PCDHGA5: variants seen among roughly 807,000 people sequenced by gnomAD.
PCDHGA5 encodes the protein protocadherin gamma subfamily A, 5.
Under a neutral mutation model 56.7 loss-of-function variants are expected in PCDHGA5, and 36 were observed. The ratio of observed to expected loss-of-function variants is 0.64; its 90% CI spans 0.49 to 0.84. The LOEUF (loss-of-function observed/expected upper bound fraction) is 0.84, where lower values mean the gene tolerates loss of function less well. Among genes scored for constraint, PCDHGA5 ranks in the 40% least tolerant of loss-of-function variants. The probability of loss-of-function intolerance (pLI) is 0.00; values close to 1 mark genes in which losing one functional copy is unlikely to be tolerated. For synonymous variants in PCDHGA5, 563 were observed against 520.2 expected (o/e 1.08, Z -1.12); for missense variants, 1,305 against 1,201.5 (o/e 1.09, Z -1.27).
chr5:141,393,156 A>G (rs1028021318), intron 1 of PCDHGA5: 7 of 1,613,310 alleles, frequency 4.3e-6, no homozygotes, highest in African/African-American at 1.3e-5. Context: ...GGATAAAGGA[A>G]AACTCTTTGG....
chr5:141,384,609 T>A (rs967686346), intron 1 of PCDHGA5: 5 of 1,614,148 alleles, frequency 3.1e-6, no homozygotes, highest in African/African-American at 1.3e-5. Flanking sequence ...TCCCCACAGA[T>A]GGTTCTACTG....
chr5:141,433,406 TTA>T (rs2097606059), intron 1 of PCDHGA5, among the ~76,000 whole-genome samples: 1 of 149,982 alleles, frequency 6.7e-6, no homozygotes. Flanking sequence ...TATCTATCTA[TTA>T]CTTTCTTGTA....
At chr5:141,454,567 C>T (rs572130062) in intron 1 of PCDHGA5, among the ~76,000 whole-genome samples, 10 of 150,966 alleles carry the variant, frequency 6.6e-5, no homozygotes, top group South Asian at 2.1e-4. Context: ...CCACCACGCC[C>T]GGCTAATTTT....
rs375166529 is a variant in PCDHGA5, at chr5:141,399,734, C to G, written c.2421+32983C>G. The G allele has an allele frequency of 3.7e-6, 6 of 1,613,220 alleles. No homozygotes were observed. The African/African-American group carries it at 4.0e-5, about 11-fold the overall frequency. ...CTACAGGCCCGCGACCAGGGCTCGC[C>G]TGCGCTCAGCGCAAACGTGAGCCTG... On this transcript the variant is annotated intron_variant, in intron 1 of 3. Transcript: ENST00000518069.
Position 141,512,554 on chromosome 5 carries a change from T to TAG in PCDHGA5, c.*1383_*1384dup, listed in dbSNP as rs2099884300. ...AAGTTCCCCAGTGCCTCCTTGTGCA[T>TAG]AGACCTTCTTCTCCCACCCCCTTCT... is the stretch of plus-strand genomic sequence containing the variant. On this transcript the variant is annotated 3_prime_UTR_variant, in exon 4 of 4. Coordinates refer to ENST00000518069, the MANE Select transcript of PCDHGA5 (RefSeq NM_018918.3). 6.5e-6 allele frequency: 1 copy of TAG among 153,012 alleles called. No homozygotes were observed. Among genetic ancestry groups the TAG allele is most frequent in the Non-Finnish European group, 1.5e-5 (1 of 68,482 alleles). 9.5% of individuals were successfully genotyped at this position (153,012 alleles called of 1,614,324 possible).
At chr5:141,390,045 T>G in intron 1 of PCDHGA5, 1 of 1,614,076 alleles carries the variant, frequency 6.2e-7, no homozygotes, top group Non-Finnish European at 8.5e-7. Context: ...CAGCCCCGCC[T>G]CCTGGAGCTG....
At position 141,423,614 on chromosome 5, in the gene PCDHGA5, A is replaced by C. The variant is rs1365658002; in HGVS notation, c.2421+56863A>C. 8 of 1,610,406 alleles carry C rather than the reference A, an allele frequency of 5.0e-6. No homozygotes were observed. The highest frequency in any genetic ancestry group is 6.8e-6 in the Non-Finnish European group (8 of 1,178,132). ...AAAAGCGAGCCACTCTTGATAGCTG[A>C]AGACTCAGCTATCATTTTAGGCAAA... On this transcript the variant is annotated intron_variant, in intron 1 of 3. Transcript: ENST00000518069.
chr5:141,404,210 A>G (rs927879028), intron 1 of PCDHGA5: 11 of 1,613,840 alleles, frequency 6.8e-6, no homozygotes, highest in Non-Finnish European at 9.3e-6. Context: ...AGAATATAAT[A>G]TCACGGTGAC....
In PCDHGA5 at chr5:141,485,974, A is replaced by G. The variant is rs755735500; in HGVS notation, c.2422-8833A>G. 1.9e-6 allele frequency: 3 copies of G among 1,614,108 alleles called. No homozygotes were observed. The highest frequency in any genetic ancestry group is 1.7e-5 in the Admixed American group (1 of 60,014). On this transcript the variant is annotated intron_variant, in intron 1 of 3. Coordinates refer to ENST00000518069, the MANE Select transcript of PCDHGA5 (RefSeq NM_018918.3). This position sits in a 1 kb window ranked among gnomAD's most constrained non-coding sequence, Gnocchi z 5.7. ...TGGTGCTCATCCAGCTCAATGCCTC[A>G]GACCCGGACCTGGGTCCCAGTGGTA...
Position 141,477,468 on chromosome 5 carries a change from A to G in PCDHGA5, c.2422-17339A>G. ...GTGCGTGTTCAAGTGTCCGACATCA[A>G]TGACAACCCTCCACAATCTTCTCAA... is the stretch of plus-strand genomic sequence containing the variant. On this transcript the variant is annotated intron_variant, in intron 1 of 3. Transcript: ENST00000518069. This position sits in a 1 kb window ranked among gnomAD's most constrained non-coding sequence, Gnocchi z 4.9. 6.2e-7 allele frequency: 1 copy of G among 1,614,158 alleles called. No homozygotes were observed. Among genetic ancestry groups the G allele is most frequent in the Non-Finnish European group, 8.5e-7 (1 of 1,180,022 alleles).
At chr5:141,422,463 C>T in intron 1 of PCDHGA5, 1 of 1,613,472 alleles carries the variant, frequency 6.2e-7, no homozygotes, top group African/African-American at 1.3e-5. Context: ...GAGTGCTGGA[C>T]AGGGAGTTGG....
rs771884610 is a variant in PCDHGA5, at chr5:141,491,436, G to T, written c.2422-3371G>T. 1 of 1,614,070 alleles carries T rather than the reference G, an allele frequency of 6.2e-7. No individual in the cohort carries two copies. ...ACGGGGGTGGAGGGCAGTGCTGCAGGCGCCAGGACTCACCCTCCCCGGACT... is the reference window on the plus strand; with the variant it reads ...ACGGGGGTGGAGGGCAGTGCTGCAGTCGCCAGGACTCACCCTCCCCGGACT... On this transcript the variant is annotated intron_variant, in intron 1 of 3. Coordinates refer to ENST00000518069, the MANE Select transcript of PCDHGA5 (RefSeq NM_018918.3). The surrounding 1 kb of genome is among the most constrained non-coding windows in gnomAD (Gnocchi z 6.9).
intron 1 of PCDHGA5, among the ~76,000 whole-genome samples, chr5:141,457,620 A>G (rs2098925834): frequency 6.6e-6 from 1 of 152,234 alleles, no homozygotes; most frequent in Admixed American, 6.5e-5. Flanking sequence ...ATGAACTTTA[A>G]TCTTATACTT....
At chr5:141,404,287 C>A in intron 1 of PCDHGA5, 1 of 1,613,976 alleles carries the variant, frequency 6.2e-7, no homozygotes, top group Non-Finnish European at 8.5e-7. Flanking sequence ...TGACTGACAT[C>A]AATGATAATC....
intron 1 of PCDHGA5, among the ~76,000 whole-genome samples, chr5:141,472,555 A>T (rs1360460094): frequency 6.6e-6 from 1 of 152,024 alleles, no homozygotes; most frequent in South Asian, 2.1e-4. Flanking sequence ...AAAAAAAATT[A>T]TATTATAAAT....
In PCDHGA5 at chr5:141,485,956, C is replaced by T. The variant is rs1430530851; in HGVS notation, c.2422-8851C>T. 1 of 1,614,150 alleles carries T rather than the reference C, an allele frequency of 6.2e-7. No individual in the cohort carries two copies. Among genetic ancestry groups the T allele is most frequent in the South Asian group, 1.1e-5 (1 of 91,074 alleles). ...AGAGCGCACCAGCGGGCATGGTGCT[C>T]ATCCAGCTCAATGCCTCAGACCCGG... On this transcript the variant is annotated intron_variant, in intron 1 of 3. Coordinates refer to ENST00000518069, the MANE Select transcript of PCDHGA5 (RefSeq NM_018918.3). This position sits in a 1 kb window ranked among gnomAD's most constrained non-coding sequence, Gnocchi z 5.7.
At position 141,490,169 on chromosome 5, in the gene PCDHGA5, T is replaced by C; in HGVS notation, c.2422-4638T>C. ...ATCCATGTGTTGGGTCCCATAGACT[T>C]TGAGGAGTCACGTTTCTATGAAATT... On this transcript the variant is annotated intron_variant, in intron 1 of 3. Transcript: ENST00000518069. This position sits in a 1 kb window ranked among gnomAD's most constrained non-coding sequence, Gnocchi z 5.4. 6.2e-7 allele frequency: 1 copy of C among 1,614,190 alleles called. No individual in the cohort carries two copies. The highest frequency in any genetic ancestry group is 8.5e-7 in the Non-Finnish European group (1 of 1,180,018).
chr5:141,460,669 TTATATATC>T (rs1176483278), intron 1 of PCDHGA5, among the ~76,000 whole-genome samples: 1 of 152,032 alleles, frequency 6.6e-6, no homozygotes, highest in African/African-American at 2.4e-5. Flanking sequence ...GTAAACACAG[TTATATATC>T]TATATATCCA....
At chr5:141,384,862 T>A in intron 1 of PCDHGA5, 1 of 1,613,686 alleles carries the variant, frequency 6.2e-7, no homozygotes, top group Non-Finnish European at 8.5e-7. Context: ...GCCTCCTCTG[T>A]CAGCCACCGT....
Sources: allele counts gnomAD v4.1 joint callset (sites outside exome capture counted in the v4.1 genomes callset), GRCh38; gene constraint gnomAD v4.1.1; non-coding constraint Gnocchi (gnomAD v3.1); transcripts MANE v1.5; gene names NCBI Gene and HGNC (gene_info 2026-07-23, HGNC 2026-07-21).